COL24A1: variants seen among roughly 807,000 people sequenced by gnomAD.
COL24A1 encodes collagen alpha-1(XXIV) chain.
Under a neutral mutation model 253.9 loss-of-function variants are expected in COL24A1, and 224 were observed. The observed-to-expected ratio is 0.88, with a 90% CI of 0.79 to 0.99. The LOEUF is 0.99. Ranked by LOEUF, COL24A1 falls within the 50% of genes least tolerant of loss-of-function variation. The pLI is 0.00. For synonymous variants in COL24A1, 685 were observed against 673.7 expected, an observed-to-expected ratio of 1.02 and a Z score of -0.26; for missense variants, 2,131 against 2,068.5, an observed-to-expected ratio of 1.03 and a Z score of -0.59.
Position 85,816,834 on chromosome 1 carries a change from G to A in COL24A1, c.3905C>T (p.Ser1302Leu). ...IQGYHGADGISGNPGKIGPPG... is the reference protein window; with the variant it reads ...IQGYHGADGILGNPGKIGPPG... ...TGGCCCAATTTTTCCAGGGTTTCCT[G>A]AAATGCCATCTGCTCCATGGTATCC... The change falls in exon 47 of 60, where the codon TCA becomes TTA. Residue 1302 changes from serine to leucine, a missense_variant. Coordinates refer to ENST00000370571, the MANE Select transcript of COL24A1 (RefSeq NM_152890.7). 6.2e-7 allele frequency: 1 copy of A among 1,614,026 alleles called. No individual in the cohort carries two copies. Among genetic ancestry groups the A allele is most frequent in the Non-Finnish European group, 8.5e-7 (1 of 1,179,902 alleles).
chr1:85,860,498 T>C (rs1401374721), intron 37 of COL24A1, among the ~76,000 whole-genome samples: 1 of 152,130 alleles, frequency 6.6e-6, no homozygotes, highest in Non-Finnish European at 1.5e-5. Flanking sequence ...TCCCAGCAGT[T>C]TGGGAGGCAG....
chr1:86,026,715 G>T (rs1350369725), intron 14 of COL24A1, among the ~76,000 whole-genome samples: 1 of 152,178 alleles, frequency 6.6e-6, no homozygotes, highest in Non-Finnish European at 1.5e-5. Context: ...AATGGTTGCT[G>T]CTATAAAGAT....
At chr1:86,024,131 G>A (rs139002101) in intron 14 of COL24A1, among the ~76,000 whole-genome samples, 10 of 151,762 alleles carry the variant, frequency 6.6e-5, no homozygotes, top group African/African-American at 1.5e-4. Context: ...CTCCCTCCCC[G>A]AAATCCTCCA....
At chr1:85,892,979 T>C (rs1158726814) in intron 31 of COL24A1, among the ~76,000 whole-genome samples, 2 of 152,104 alleles carry the variant, frequency 1.3e-5, no homozygotes, top group African/African-American at 2.4e-5. Flanking sequence ...GATCATTAAA[T>C]GGGAGACCCA....
chr1:85,829,950 G>T (rs919694243), intron 43 of COL24A1, among the ~76,000 whole-genome samples: 1 of 152,082 alleles, frequency 6.6e-6, no homozygotes, highest in Non-Finnish European at 1.5e-5. Flanking sequence ...TTCCAGCTTT[G>T]TTCTGTTGCT....
intron 24 of COL24A1, among the ~76,000 whole-genome samples, chr1:85,923,411 T>A (rs902628108): frequency 6.6e-6 from 1 of 152,088 alleles, no homozygotes; most frequent in African/African-American, 2.4e-5. Flanking sequence ...ATTGACCACA[T>A]AGTTGGAAGT....
chr1:85,774,030 G>T (rs1440281968), intron 53 of COL24A1, among the ~76,000 whole-genome samples: 1 of 152,020 alleles, frequency 6.6e-6, no homozygotes, highest in Admixed American at 6.6e-5. Context: ...CTCTTATTAT[G>T]TTGAGATATG....
At chr1:85,736,600 G>C (rs1664083902) in intron 58 of COL24A1, 1 of 426,670 alleles carries the variant, frequency 2.3e-6, no homozygotes, top group Non-Finnish European at 4.8e-6. Flanking sequence ...TTAATGAAGA[G>C]AGGTGTTTTA....
intron 20 of COL24A1, among the ~76,000 whole-genome samples, chr1:85,979,774 C>A (rs532086217): frequency 4.0e-5 from 6 of 151,396 alleles, no homozygotes; most frequent in African/African-American, 1.5e-4. Context: ...AGAATTGGTA[C>A]CAATCCTATT....
In COL24A1 at chr1:85,896,292, C is replaced by T. The variant is rs1683706945; in HGVS notation, c.2832+64G>A. On this transcript the variant is annotated intron_variant, in intron 29 of 59. Coordinates refer to ENST00000370571, the MANE Select transcript of COL24A1 (RefSeq NM_152890.7). Reference sequence around the variant, plus strand: ...GTAGGGAAATATATTGTTTTTTAGACTAGTAGGACATATGATCTCAATAAA... The same window carrying T: ...GTAGGGAAATATATTGTTTTTTAGATTAGTAGGACATATGATCTCAATAAA... The T allele has an allele frequency of 2.8e-6, 4 of 1,420,502 alleles. No individual in the cohort carries two copies. In the South Asian group the frequency reaches 3.5e-5, roughly 13 times the overall value. 88.0% of individuals were successfully genotyped at this position (1,420,502 alleles called of 1,614,324 possible).
At chr1:86,033,815 C>T (rs902963012) in intron 13 of COL24A1, 55 bp downstream of exon 13, 2 of 1,467,024 alleles carry the variant, frequency 1.4e-6, no homozygotes, top group African/African-American at 1.4e-5. Context: ...AAGTGCAGTG[C>T]TATGAAGTAT....
intron 24 of COL24A1, among the ~76,000 whole-genome samples, chr1:85,912,340 A>AAAGCG (rs145250442): frequency 0.12 from 18,180 of 152,130 alleles, 1,219 homozygotes; most frequent in South Asian, 0.28. Flanking sequence ...AACAGTACAG[A>AAAGCG]AAGCAAAAAG....
At chr1:86,004,178 G>A (rs906091822) in intron 19 of COL24A1, among the ~76,000 whole-genome samples, 3 of 152,156 alleles carry the variant, frequency 2.0e-5, no homozygotes, top group Non-Finnish European at 1.5e-5. Context: ...CAGCTACTCG[G>A]TGGCAAATTT....
intron 19 of COL24A1, among the ~76,000 whole-genome samples, chr1:85,994,506 G>T (rs1276144785): frequency 6.6e-6 from 1 of 151,702 alleles, no homozygotes; most frequent in East Asian, 1.9e-4. Context: ...GAGAGGTTTT[G>T]TAAGAGGATA....
chr1:86,069,657 A>AAGAGAGAGAG (rs142284997), intron 7 of COL24A1, among the ~76,000 whole-genome samples: 2 of 150,634 alleles, frequency 1.3e-5, no homozygotes, highest in South Asian at 2.1e-4. Flanking sequence ...TGGCCCAGCA[A>AAGAGAGAGAG]AGAGAGAGAG....
intron 35 of COL24A1, among the ~76,000 whole-genome samples, chr1:85,872,909 G>A (rs530989065): frequency 3.2e-4 from 49 of 152,220 alleles, no homozygotes; most frequent in African/African-American, 1.1e-3. Context: ...GCAACCTACA[G>A]AATGGGAGAA....
chr1:86,104,456 T>C (rs1434782809), intron 5 of COL24A1, among the ~76,000 whole-genome samples: 1 of 152,254 alleles, frequency 6.6e-6, no homozygotes, highest in African/African-American at 2.4e-5. Flanking sequence ...GCACTCTGAC[T>C]TTTTAAGTTC....
chr1:85,848,335 A>T (rs767010171), intron 38 of COL24A1, among the ~76,000 whole-genome samples: 1 of 152,096 alleles, frequency 6.6e-6, no homozygotes, highest in African/African-American at 2.4e-5. Flanking sequence ...TTTGAGACCA[A>T]GTCTCACTAT....
At chr1:86,006,280 G>A (rs993754312) in intron 19 of COL24A1, among the ~76,000 whole-genome samples, 1 of 149,522 alleles carries the variant, frequency 6.7e-6, no homozygotes, top group Non-Finnish European at 1.5e-5. Flanking sequence ...TACAATATTC[G>A]AGACAGTGTG....
Sources: gnomAD v4.1 joint callset for allele counts (sites outside exome capture counted in the v4.1 genomes callset) on GRCh38, gnomAD v4.1.1 for gene constraint, MANE v1.5 for transcripts, NCBI Gene and HGNC (gene_info 2026-07-23, HGNC 2026-07-21) for gene names.